Variants in ATXN1 observed in about 807,000 individuals in gnomAD.
The protein encoded by ATXN1 is ataxin-1.
Under a neutral mutation model 56.4 loss-of-function variants are expected in ATXN1, and 8 were observed. The observed-to-expected ratio is 0.14, with a 90% CI of 0.08 to 0.26. The LOEUF (loss-of-function observed/expected upper bound fraction) is 0.26. Ranked by LOEUF, ATXN1 falls within the 10% of genes least tolerant of loss-of-function variation. The pLI, the probability that ATXN1 is intolerant of heterozygous loss-of-function variation, is 1.00. For synonymous variants in ATXN1, 514 were observed against 494.6 expected, an observed-to-expected ratio of 1.04 and a Z score of -0.52; for missense variants, 987 against 1,106.5, an observed-to-expected ratio of 0.89 and a Z score of 1.53.
intron 6 of ATXN1, among the ~76,000 whole-genome samples, chr6:16,398,483 T>TAC (rs1359805351): frequency 1.3e-5 from 2 of 152,234 alleles, no homozygotes; most frequent in South Asian, 2.1e-4. Flanking sequence ...GAGTTTATTT[T>TAC]ACACACACAC....
At chr6:16,401,986 T>C (rs774929777) in intron 6 of ATXN1, among the ~76,000 whole-genome samples, 3 of 152,184 alleles carry the variant, frequency 2.0e-5, no homozygotes, top group Admixed American at 6.5e-5. Flanking sequence ...CTTACATGGA[T>C]GGTGGCAGGC....
chr6:16,687,755 T>G (rs966112576), intron 2 of ATXN1, among the ~76,000 whole-genome samples: 1 of 150,798 alleles, frequency 6.6e-6, no homozygotes, highest in Admixed American at 6.6e-5. Flanking sequence ...GTCTGTATAT[T>G]TATATTTAGA....
chr6:16,609,460 T>A (rs1392963581), intron 3 of ATXN1, among the ~76,000 whole-genome samples: 1 of 152,190 alleles, frequency 6.6e-6, no homozygotes, highest in Non-Finnish European at 1.5e-5. Flanking sequence ...GCACGATGGC[T>A]TCACCCATTG....
At chr6:16,586,333 T>C (rs1224885206) in intron 3 of ATXN1, among the ~76,000 whole-genome samples, 1 of 152,230 alleles carries the variant, frequency 6.6e-6, no homozygotes, top group Non-Finnish European at 1.5e-5. Flanking sequence ...AGACTCCTTC[T>C]AGCCACAAAA....
chr6:16,568,682 T>C (rs9383180), intron 4 of ATXN1, among the ~76,000 whole-genome samples: 70,289 of 151,920 alleles, frequency 0.46, 18,893 homozygotes, highest in East Asian at 0.73. Flanking sequence ...TTCTGGCATC[T>C]GTCTGCCTCT....
intron 5 of ATXN1, among the ~76,000 whole-genome samples, chr6:16,512,112 C>T (rs2671402): frequency 7.2e-5 from 11 of 151,854 alleles, no homozygotes; most frequent in African/African-American, 2.4e-4. Context: ...GGCCTCCCCG[C>T]CTCCATTCAG....
rs372241609 is a variant in ATXN1, at chr6:16,410,047, C to T, written c.-161+75925G>A. Among the ~76,000 whole-genome samples, 2 of 152,182 alleles carry T rather than the reference C, an allele frequency of 1.3e-5. No individual in the cohort carries two copies. The highest frequency in any genetic ancestry group is 2.1e-4 in the South Asian group (1 of 4,834). ...CAAAGATGAGCATCAAATCACCAGA[C>T]GTGCATGGAGAGCATGAGCTGAACG... On this transcript the variant is annotated intron_variant, in intron 6 of 7. Transcript: ENST00000436367. This position sits in a 1 kb window ranked among gnomAD's most constrained non-coding sequence, Gnocchi z 4.6.
At chr6:16,676,464 A>G (rs1272482187) in intron 2 of ATXN1, among the ~76,000 whole-genome samples, 2 of 152,236 alleles carry the variant, frequency 1.3e-5, no homozygotes, top group Admixed American at 6.5e-5. Context: ...ACATCCTTTT[A>G]AATGTTAGGG....
chr6:16,709,714 A>C (rs1581384358), intron 2 of ATXN1, among the ~76,000 whole-genome samples: 1 of 152,316 alleles, frequency 6.6e-6, no homozygotes, highest in East Asian at 1.9e-4. Flanking sequence ...CATTTTATAT[A>C]ATCAGTATTA....
At chr6:16,673,913 C>T (rs79191370) in intron 2 of ATXN1, among the ~76,000 whole-genome samples, 3,500 of 152,270 alleles carry the variant, frequency 0.023, 71 homozygotes, top group Middle Eastern at 0.086. Context: ...AAAGTGTCTC[C>T]AAACATTGCC....
chr6:16,477,480 G>C (rs1760349870), intron 6 of ATXN1, among the ~76,000 whole-genome samples: 4 of 152,198 alleles, frequency 2.6e-5, no homozygotes, highest in Admixed American at 2.0e-4. Context: ...CCTCTTCAAG[G>C]CTGGGTGCAT....
intron 3 of ATXN1, among the ~76,000 whole-genome samples, chr6:16,640,038 A>G: frequency 6.6e-6 from 1 of 152,020 alleles, no homozygotes; most frequent in East Asian, 1.9e-4. Context: ...ATTGCATTTC[A>G]CTTTGTTGTC....
rs1028196360 is a variant in ATXN1, at chr6:16,581,228, C to T, written c.-361+4552G>A. Reference sequence around the variant, plus strand: ...GTGTGTGTGTGTGTGTGTGTGTGCGCGCGTGTGTGTGTGTGTGTGTGTGCT... The same window carrying T: ...GTGTGTGTGTGTGTGTGTGTGTGCGTGCGTGTGTGTGTGTGTGTGTGTGCT... On this transcript the variant is annotated intron_variant, in intron 4 of 7. Coordinates refer to ENST00000436367, the MANE Select transcript of ATXN1 (RefSeq NM_001128164.2). Among the ~76,000 whole-genome samples the T allele has an allele frequency of 4.2e-3, 526 of 125,632 alleles. 3 individuals are homozygous for T. Among genetic ancestry groups the T allele is most frequent in the African/African-American group, 0.01 (356 of 35,318 alleles). The allele number at this position is 125,632 out of a possible 152,430, so 82.4% of individuals were successfully genotyped here. A position where few individuals can be genotyped will look rare whatever the true frequency, so the allele number is the denominator to read the frequency against.
rs1336329465 is a variant in ATXN1, at chr6:16,760,026, A to T, written c.-730+1272T>A. Among the ~76,000 whole-genome samples, 1 of 151,068 alleles carries T rather than the reference A, an allele frequency of 6.6e-6. No individual in the cohort carries two copies. Among genetic ancestry groups the T allele is most frequent in the Non-Finnish European group, 1.5e-5 (1 of 67,660 alleles). ...CACACAGTCACTCACACACTCACTC[A>T]CACTCACGCCGCGCTCCGACACCGC... On this transcript the variant is annotated intron_variant, in intron 1 of 7. Coordinates refer to ENST00000436367, the MANE Select transcript of ATXN1 (RefSeq NM_001128164.2). This position sits in a 1 kb window ranked among gnomAD's most constrained non-coding sequence, Gnocchi z 5.3.
chr6:16,562,658 T>G (rs2113740978), intron 4 of ATXN1, among the ~76,000 whole-genome samples: 1 of 152,110 alleles, frequency 6.6e-6, no homozygotes, highest in South Asian at 2.1e-4. Flanking sequence ...GTGAAGACAT[T>G]GGGCCGAGAA....
chr6:16,496,686 T>C (rs1211926562), intron 5 of ATXN1, among the ~76,000 whole-genome samples: 3 of 152,214 alleles, frequency 2.0e-5, no homozygotes, highest in Admixed American at 6.5e-5. Flanking sequence ...GAAACTCAGT[T>C]AAAATACCTG....
rs567113616 is a variant in ATXN1 at position 16,387,605 on chromosome 6, G to A, written c.-160-59135C>T. The stretch of plus-strand genomic sequence containing the variant: ...TGGGATGAGTAGGTAGGGATGAACC[G>A]GGAGTGCTTGTTGTGTTGTCATGAG... On this transcript the variant is annotated intron_variant, in intron 6 of 7. Coordinates refer to ENST00000436367, the MANE Select transcript of ATXN1 (RefSeq NM_001128164.2). 1.2e-4 allele frequency among the ~76,000 whole-genome samples: 18 copies of A among 152,310 alleles called. No individual in the cohort carries two copies. The South Asian group carries it at 2.7e-3, about 23-fold the overall frequency.
chr6:16,749,562 T>C (rs1003566431), intron 2 of ATXN1, among the ~76,000 whole-genome samples: 2 of 151,970 alleles, frequency 1.3e-5, no homozygotes, highest in African/African-American at 4.8e-5. Context: ...CAGCACTGAG[T>C]TTCCAAGGTG....
At position 16,499,872 on chromosome 6, in the gene ATXN1, C is replaced by T. The variant is rs141560842; in HGVS notation, c.-298-13763G>A. Among the ~76,000 whole-genome samples the T allele has an allele frequency of 3.4e-4, 52 of 152,312 alleles. 2 individuals are homozygous for T. In the East Asian group the frequency reaches 9.4e-3, roughly 28 times the overall value. On this transcript the variant is annotated intron_variant, in intron 5 of 7. Coordinates refer to ENST00000436367, the MANE Select transcript of ATXN1 (RefSeq NM_001128164.2). ...TAAATCCCCCTAAAGCATCAGTTCT[C>T]CAACTTGGCTACACATTGTGACCAC...
Sources: allele counts gnomAD v4.1 joint callset (sites outside exome capture counted in the v4.1 genomes callset), GRCh38; gene constraint gnomAD v4.1.1; non-coding constraint Gnocchi (gnomAD v3.1); transcripts MANE v1.5; gene names NCBI Gene and HGNC (gene_info 2026-07-23, HGNC 2026-07-21).